Variants in PLD1 observed in about 807,000 individuals in gnomAD.
PLD1 encodes the protein phospholipase D1.
Under a neutral mutation model 137.1 loss-of-function variants are expected in PLD1, and 112 were observed. That is an observed-to-expected ratio of 0.82 (90% CI 0.70 to 0.96). PLD1 has a LOEUF of 0.96. PLD1 is among the 40% of genes least tolerant of loss of function. The pLI is 0.00. For synonymous variants in PLD1, 431 were observed against 454.7 expected (o/e 0.95, Z 0.66); for missense variants, 1,321 against 1,342.0 (o/e 0.98, Z 0.24).
intron 25 of PLD1, among the ~76,000 whole-genome samples, chr3:171,609,027 T>C (rs1732432704): frequency 6.6e-6 from 1 of 151,988 alleles, no homozygotes. Flanking sequence ...AAAATACTTA[T>C]AAATCATTAA....
At chr3:171,655,123 C>G (rs1737083801) in intron 21 of PLD1, among the ~76,000 whole-genome samples, 1 of 152,186 alleles carries the variant, frequency 6.6e-6, no homozygotes, top group Non-Finnish European at 1.5e-5. Flanking sequence ...TGACTGCGGA[C>G]TGTCATTTCC....
intron 12 of PLD1, among the ~76,000 whole-genome samples, chr3:171,696,265 C>T (rs1715681095): frequency 6.6e-6 from 1 of 152,178 alleles, no homozygotes. Flanking sequence ...CTTAGCATAG[C>T]AAGTGCAGAA....
chr3:171,631,212 A>T (rs966479230), intron 23 of PLD1, among the ~76,000 whole-genome samples: 20 of 152,168 alleles, frequency 1.3e-4, no homozygotes, highest in Non-Finnish European at 1.2e-4. Flanking sequence ...CACTATAAGC[A>T]AGTGTTAAAC....
intron 20 of PLD1, among the ~76,000 whole-genome samples, chr3:171,661,689 CCT>C (rs1183393467): frequency 6.6e-6 from 1 of 152,182 alleles, no homozygotes; most frequent in African/African-American, 2.4e-5. Flanking sequence ...GCAACTCACC[CCT>C]GTGTGTGCTC....
intron 3 of PLD1, 86 bp downstream of exon 3, chr3:171,737,446 A>G: frequency 1.7e-6 from 2 of 1,166,346 alleles, no homozygotes; most frequent in Middle Eastern, 2.0e-4. Context: ...ACATGATCAT[A>G]GCTAAGAGGG....
At chr3:171,670,884 T>C (rs1168847188) in intron 19 of PLD1, among the ~76,000 whole-genome samples, 1 of 152,254 alleles carries the variant, frequency 6.6e-6, no homozygotes, top group African/African-American at 2.4e-5. Flanking sequence ...TGGTGGCCAT[T>C]TGAGTTTTAT....
chr3:171,614,712 C>A (rs1462812446), intron 24 of PLD1, among the ~76,000 whole-genome samples: 1 of 152,186 alleles, frequency 6.6e-6, no homozygotes, highest in Non-Finnish European at 1.5e-5. Context: ...TTTACTGTGC[C>A]CCTGGAGCCA....
At chr3:171,642,219 C>T (rs1344147100) in intron 23 of PLD1, among the ~76,000 whole-genome samples, 1 of 152,052 alleles carries the variant, frequency 6.6e-6, no homozygotes, top group Non-Finnish European at 1.5e-5. Flanking sequence ...CTTTGGGAGG[C>T]TGTGGCGGGT....
intron 23 of PLD1, among the ~76,000 whole-genome samples, chr3:171,627,641 A>T (rs1734243326): frequency 1.3e-5 from 2 of 152,240 alleles, no homozygotes; most frequent in Admixed American, 6.5e-5. Context: ...GTAAAAGATA[A>T]GAAATTATAA....
intron 1 of PLD1, among the ~76,000 whole-genome samples, chr3:171,785,456 T>G (rs1466610370): frequency 6.6e-6 from 1 of 150,568 alleles, no homozygotes; most frequent in African/African-American, 2.5e-5. Flanking sequence ...TTTTTTTTTT[T>G]TAGATGGAGT....
At chr3:171,669,505 G>A (rs1372156547) in intron 19 of PLD1, among the ~76,000 whole-genome samples, 4 of 152,130 alleles carry the variant, frequency 2.6e-5, no homozygotes, top group African/African-American at 9.7e-5. Context: ...GGGTTCAAGC[G>A]ATTCTCCTGC....
intron 26 of PLD1, among the ~76,000 whole-genome samples, chr3:171,604,746 CTTG>C (rs1277761340): frequency 6.6e-6 from 1 of 152,184 alleles, no homozygotes; most frequent in Non-Finnish European, 1.5e-5. Context: ...AATGACATGT[CTTG>C]TTATTAATAT....
Position 171,677,694 on chromosome 3 carries a change from T to A in PLD1, c.1868A>T (p.Asp623Val), listed in dbSNP as rs754377461. The A allele has an allele frequency of 3.7e-6, 6 of 1,613,694 alleles. No homozygotes were observed. The highest frequency in any genetic ancestry group is 1.3e-5 in the African/African-American group (1 of 75,022). Residue 623 changes from aspartate (D) to valine (V), a missense_variant and splice_region_variant, in exon 17 of 27, where the codon GAT becomes GTT. By Grantham distance (152) the Asp-to-Val change is radical. Transcript: ENST00000351298. ...SEQGLTRPHA[D>V]TGSIRSLQTG... is the part of the protein sequence containing the mutation. The stretch of plus-strand genomic sequence containing the variant: ...CTGTAAACTACGGATGGACCCGGTA[T>A]CTGTGAATGCAGCAAGACCCCCTCA...
chr3:171,718,524 A>G (rs929363678), intron 8 of PLD1, among the ~76,000 whole-genome samples: 4 of 152,218 alleles, frequency 2.6e-5, no homozygotes, highest in African/African-American at 4.8e-5. Context: ...CAAAAAGAGG[A>G]GACTTCAGGC....
chr3:171,701,316 A>G (rs1166739019), intron 11 of PLD1, among the ~76,000 whole-genome samples: 3 of 152,258 alleles, frequency 2.0e-5, no homozygotes, highest in Non-Finnish European at 4.4e-5. Context: ...AATTGATCAG[A>G]AAAGATCAAA....
chr3:171,715,918 C>T (rs957990330), intron 8 of PLD1, among the ~76,000 whole-genome samples: 3 of 131,304 alleles, frequency 2.3e-5, no homozygotes, highest in African/African-American at 7.9e-5. Context: ...TTTCCCTCCT[C>T]CCACCCCCCA....
At chr3:171,630,692 T>G (rs1442513781) in intron 23 of PLD1, among the ~76,000 whole-genome samples, 2 of 144,254 alleles carry the variant, frequency 1.4e-5, no homozygotes, top group Admixed American at 6.8e-5. Context: ...CCATAAAAAA[T>G]GATGAGTTCA....
At chr3:171,762,465 C>T (rs1469010431) in intron 1 of PLD1, among the ~76,000 whole-genome samples, 3 of 152,236 alleles carry the variant, frequency 2.0e-5, no homozygotes, top group African/African-American at 7.2e-5. Flanking sequence ...CTAAACAGAG[C>T]TCTCTCTCAG....
At chr3:171,683,431 A>G (rs1714214805) in intron 16 of PLD1, among the ~76,000 whole-genome samples, 1 of 151,918 alleles carries the variant, frequency 6.6e-6, no homozygotes, top group Admixed American at 6.6e-5. Flanking sequence ...TGTTCTTATC[A>G]TCCTCTCCTA....
Sources: allele counts gnomAD v4.1 joint callset (sites outside exome capture counted in the v4.1 genomes callset), GRCh38; gene constraint gnomAD v4.1.1; transcripts MANE v1.5; gene names NCBI Gene and HGNC (gene_info 2026-07-23, HGNC 2026-07-21).